NIPA1: variants seen among roughly 807,000 people sequenced by gnomAD.
NIPA1 encodes magnesium transporter NIPA1.
A neutral mutation model predicts 23.9 loss-of-function variants in NIPA1; 13 were observed. The ratio of observed to expected loss-of-function variants is 0.54; its 90% confidence interval spans 0.35 to 0.87. The LOEUF (loss-of-function observed/expected upper bound fraction) is 0.87. NIPA1 is among the 40% of genes least tolerant of loss of function. The pLI, the probability that NIPA1 is intolerant of heterozygous loss-of-function variation, is 0.01. For synonymous variants in NIPA1, 234 were observed against 202.9 expected, an observed-to-expected ratio of 1.15 and a Z score of -1.30; for missense variants, 362 against 429.7, an observed-to-expected ratio of 0.84 and a Z score of 1.39.
At chr15:22,789,096 G>A (rs919432861) in intron 1 of NIPA1, among the ~76,000 whole-genome samples, 3 of 151,226 alleles carry the variant, frequency 2.0e-5, no homozygotes, top group East Asian at 2.0e-4. Context: ...GGGTTCAAGC[G>A]ATTCGCCTGC....
At chr15:22,804,707 T>C (rs1895166908) in intron 1 of NIPA1, among the ~76,000 whole-genome samples, 2 of 152,186 alleles carry the variant, frequency 1.3e-5, no homozygotes, top group African/African-American at 4.8e-5. Context: ...GACTTTTCCA[T>C]TGAATTGTAC....
At chr15:22,816,431 C>T (rs1435414775) in intron 3 of NIPA1, among the ~76,000 whole-genome samples, 1 of 148,630 alleles carries the variant, frequency 6.7e-6, no homozygotes, top group Non-Finnish European at 1.5e-5. Flanking sequence ...TTGTGGTCTG[C>T]CTGCCTCGGC....
chr15:22,789,528 G>A (rs1894786302), intron 1 of NIPA1, among the ~76,000 whole-genome samples: 1 of 152,162 alleles, frequency 6.6e-6, no homozygotes, highest in African/African-American at 2.4e-5. Context: ...ACGGCTGAGA[G>A]GAATTGTTTT....
intron 2 of NIPA1, chr15:22,811,082 C>T: frequency 2.1e-6 from 1 of 476,454 alleles, no homozygotes; most frequent in Non-Finnish European, 3.8e-6. Context: ...CCAGGCTGAT[C>T]TGTCCTGGGC....
chr15:22,801,165 T>A (rs934458815), intron 1 of NIPA1, among the ~76,000 whole-genome samples: 1 of 152,134 alleles, frequency 6.6e-6, no homozygotes, highest in Non-Finnish European at 1.5e-5. Flanking sequence ...GTCGTGAGCT[T>A]GTCCCCCTGT....
intron 1 of NIPA1, among the ~76,000 whole-genome samples, chr15:22,791,655 T>C (rs796385434): frequency 5.3e-5 from 8 of 151,990 alleles, no homozygotes; most frequent in African/African-American, 1.9e-4. Flanking sequence ...GGCTAATTTT[T>C]GTATTTTGAG....
At chr15:22,811,577 C>CT (rs2140867670) in intron 2 of NIPA1, among the ~76,000 whole-genome samples, 1 of 152,208 alleles carries the variant, frequency 6.6e-6, no homozygotes, top group East Asian at 1.9e-4. Context: ...GCACTCCAGC[C>CT]TGGCTGACAG....
chr15:22,788,898 G>A (rs1894768167), intron 1 of NIPA1, among the ~76,000 whole-genome samples: 1 of 83,820 alleles, frequency 1.2e-5, no homozygotes, highest in Non-Finnish European at 2.3e-5. Context: ...CAGCCCGAGC[G>A]AGAAGAACAA....
rs866693526 is a variant in NIPA1 at position 22,806,340 on chromosome 15, C to T, written c.179-4409C>T. The stretch of plus-strand genomic sequence containing the variant: ...TTGATACTGTCATCCTGGCAAGGCT[C>T]TTTTGTGTTTGCACAAACACTTCTT... On this transcript the variant is annotated intron_variant, in intron 1 of 4. Coordinates refer to ENST00000337435, the MANE Select transcript of NIPA1 (RefSeq NM_144599.5). 1.4e-4 allele frequency among the ~76,000 whole-genome samples: 22 copies of T among 152,336 alleles called. 1 individual carries two copies. The South Asian group carries it at 3.3e-3, about 23-fold the overall frequency.
chr15:22,816,697 G>C (rs1895426890), intron 3 of NIPA1, among the ~76,000 whole-genome samples: 1 of 148,746 alleles, frequency 6.7e-6, no homozygotes, highest in African/African-American at 2.5e-5. Context: ...TGCCATGTTG[G>C]CTAGGCTAGT....
chr15:22,795,239 C>T (rs1894917022), intron 1 of NIPA1, among the ~76,000 whole-genome samples: 3 of 152,032 alleles, frequency 2.0e-5, no homozygotes, highest in Admixed American at 6.6e-5. Context: ...TTGAATGGCT[C>T]GCAGCCTGTG....
intron 3 of NIPA1, among the ~76,000 whole-genome samples, chr15:22,818,738 A>G (rs1437143895): frequency 1.3e-5 from 2 of 152,080 alleles, no homozygotes; most frequent in Admixed American, 6.5e-5. Context: ...CAGAGGTTGC[A>G]GTGAGTCGAG....
chr15:22,791,442 A>G (rs560184886), intron 1 of NIPA1, among the ~76,000 whole-genome samples: 68 of 144,736 alleles, frequency 4.7e-4, no homozygotes, highest in Non-Finnish European at 8.2e-4. Flanking sequence ...CAGTCCTTCT[A>G]CTGAGGGATT....
At chr15:22,813,807 T>C in intron 3 of NIPA1, 1 of 407,922 alleles carries the variant, frequency 2.5e-6, no homozygotes, top group Non-Finnish European at 5.0e-6. Flanking sequence ...ACTGCTATCA[T>C]GTGTGGCTTG....
chr15:22,802,204 C>A (rs946061449), intron 1 of NIPA1, among the ~76,000 whole-genome samples: 1 of 151,780 alleles, frequency 6.6e-6, no homozygotes, highest in Admixed American at 6.6e-5. Context: ...CCAGCCTGAC[C>A]AACATGGTGA....
At chr15:22,800,010 TAGAGGGGAAGGGTAGAAGACTGG>T (rs1895041571) in intron 1 of NIPA1, among the ~76,000 whole-genome samples, 1 of 144,290 alleles carries the variant, frequency 6.9e-6, no homozygotes, top group East Asian at 2.0e-4. Context: ...TGGGGACTGC[TAGAGGGGAAGGGTAGAAGACTGG>T]GGTGAGGGTT....
chr15:22,814,263 T>G (rs1053690050), intron 3 of NIPA1: 88 of 333,254 alleles, frequency 2.6e-4, no homozygotes, highest in African/African-American at 1.4e-3. Context: ...GTTTTTTTTT[T>G]GTTTTTTTTT....
chr15:22,800,516 G>A (rs955704007), intron 1 of NIPA1, among the ~76,000 whole-genome samples: 1 of 152,052 alleles, frequency 6.6e-6, no homozygotes, highest in Non-Finnish European at 1.5e-5. Context: ...AGTGGGCTGG[G>A]CGTGGTGGCT....
Position 22,786,818 on chromosome 15 carries a change from G to C in NIPA1, c.162G>C (p.Val54=). 5 of 1,254,334 alleles carry C rather than the reference G, an allele frequency of 4.0e-6. No homozygotes were observed. Among genetic ancestry groups the C allele is most frequent in the Non-Finnish European group, 5.1e-6 (5 of 977,756 alleles). 77.7% of individuals were successfully genotyped at this position (1,254,334 alleles called of 1,614,324 possible). ...STFVLQKKGI[V]RAKRRGTSYL... Reference sequence around the variant, plus strand: ...TCGTGCTACAGAAGAAGGGCATCGTGCGTGCCAAGCGGCGAGGTAGGGCGG... The same window carrying C: ...TCGTGCTACAGAAGAAGGGCATCGTCCGTGCCAAGCGGCGAGGTAGGGCGG... The change falls in exon 1 of 5, where the codon GTG becomes GTC. Residue 54 remains valine, a synonymous_variant. Coordinates refer to ENST00000337435, the MANE Select transcript of NIPA1 (RefSeq NM_144599.5).
Sources: allele counts gnomAD v4.1 joint callset (sites outside exome capture counted in the v4.1 genomes callset), GRCh38; gene constraint gnomAD v4.1.1; transcripts MANE v1.5; gene names NCBI Gene and HGNC (gene_info 2026-07-23, HGNC 2026-07-21).